Variants in USP37 observed in about 807,000 individuals in gnomAD.
USP37 encodes ubiquitin carboxyl-terminal hydrolase 37.
Under a neutral mutation model 124.0 loss-of-function variants are expected in USP37, and 27 were observed. The ratio of observed to expected loss-of-function variants is 0.22; its 90% CI spans 0.16 to 0.30. USP37 has a LOEUF of 0.30. USP37 is among the 10% of genes least tolerant of loss of function. The probability of loss-of-function intolerance (pLI) is 1.00; values close to 1 mark genes in which losing one functional copy is unlikely to be tolerated. For synonymous variants in USP37, 365 were observed against 388.0 expected (o/e 0.94, Z 0.70); for missense variants, 889 against 1,140.4 (o/e 0.78, Z 3.17).
At chr2:218,467,171 TC>T (rs1574843251) in intron 20 of USP37, among the ~76,000 whole-genome samples, 1 of 145,354 alleles carries the variant, frequency 6.9e-6, no homozygotes, top group African/African-American at 2.5e-5. Context: ...AGAAATCCCC[TC>T]CCCCCTCCTC....
At chr2:218,505,539 C>T (rs1179674147) in intron 11 of USP37, among the ~76,000 whole-genome samples, 1 of 152,148 alleles carries the variant, frequency 6.6e-6, no homozygotes, top group Non-Finnish European at 1.5e-5. Context: ...CTCTAGCTTG[C>T]ATATTTGACA....
rs1034853290 is a variant in USP37, at chr2:218,451,599, G to A, written c.*3331C>T. 6.6e-6 allele frequency: 1 copy of A among 150,690 alleles called. No homozygotes were observed. The highest frequency in any genetic ancestry group is 2.4e-5 in the African/African-American group (1 of 40,996). 9.3% of individuals were successfully genotyped at this position (150,690 alleles called of 1,614,324 possible). A position where few individuals can be genotyped will look rare whatever the true frequency, so the allele number is the denominator to read the frequency against. The stretch of plus-strand genomic sequence containing the variant: ...ATATCCGTAGCTGTATGTGTGTATA[G>A]TTACATAATGGTAACTACACACGAT... On this transcript the variant is annotated 3_prime_UTR_variant, in exon 26 of 26. Coordinates refer to ENST00000258399, the MANE Select transcript of USP37 (RefSeq NM_020935.3).
chr2:218,528,926 C>T (rs1379554162), intron 10 of USP37: 1 of 393,872 alleles, frequency 2.5e-6, no homozygotes, highest in Non-Finnish European at 4.4e-6. Flanking sequence ...TGTAATACAG[C>T]TTTTGATTTT....
intron 11 of USP37, chr2:218,500,786 CTT>C (rs534614045): frequency 2.1e-5 from 3 of 141,762 alleles, no homozygotes; most frequent in Non-Finnish European, 4.6e-5. Flanking sequence ...CATGTCATGC[CTT>C]TTTTTTTTTT....
intron 18 of USP37, 132 bp from the exon 19 acceptor site, chr2:218,477,113 G>T: frequency 9.2e-7 from 1 of 1,088,356 alleles, no homozygotes; most frequent in Non-Finnish European, 1.2e-6. Context: ...TATATCAAAA[G>T]AGGTATATTT....
intron 22 of USP37, 44 bp downstream of exon 22, chr2:218,463,262 G>C: frequency 6.6e-7 from 1 of 1,521,520 alleles, no homozygotes; most frequent in East Asian, 2.3e-5. Context: ...TGTGTGAATG[G>C]TAATTTTACC....
chr2:218,451,293 C>A lies in USP37; in HGVS notation c.*3637G>T, dbSNP rs1219511032. On this transcript the variant is annotated 3_prime_UTR_variant, in exon 26 of 26. Coordinates refer to ENST00000258399, the MANE Select transcript of USP37 (RefSeq NM_020935.3). ...ATCTGGTGTTAGGTTGTTGATTTTT[C>A]TAAAAATCTCCTATATATACAAAAT... The A allele has an allele frequency of 6.6e-6, 1 of 152,056 alleles. No homozygotes were observed. The highest frequency in any genetic ancestry group is 1.5e-5 in the Non-Finnish European group (1 of 67,990). 9.4% of individuals were successfully genotyped at this position (152,056 alleles called of 1,614,324 possible). A position where few individuals can be genotyped will look rare whatever the true frequency, so the allele number is the denominator to read the frequency against.
chr2:218,460,930 ACT>A (rs1689986048), intron 22 of USP37, among the ~76,000 whole-genome samples: 1 of 151,624 alleles, frequency 6.6e-6, no homozygotes, highest in Non-Finnish European at 1.5e-5. Flanking sequence ...ACAGAGCGAG[ACT>A]CTGTCTCAAA....
At chr2:218,567,184 A>G (rs1253490751) in intron 1 of USP37, among the ~76,000 whole-genome samples, 1 of 152,240 alleles carries the variant, frequency 6.6e-6, no homozygotes, top group East Asian at 1.9e-4. Context: ...AAACATCTTT[A>G]AGACAAGTGA....
chr2:218,463,567 G>A (rs1210559945), intron 21 of USP37, among the ~76,000 whole-genome samples: 2 of 126,792 alleles, frequency 1.6e-5, no homozygotes, highest in South Asian at 2.4e-4. Context: ...ACGGAGTCTC[G>A]CTCTGTCCCC....
At chr2:218,485,590 A>G in intron 16 of USP37, 74 bp downstream of exon 16, 1 of 1,463,846 alleles carries the variant, frequency 6.8e-7, no homozygotes, top group Non-Finnish European at 9.2e-7. Context: ...TAAAAAGAAA[A>G]ATTGAAAAGC....
intron 14 of USP37, among the ~76,000 whole-genome samples, chr2:218,491,948 C>T (rs990201427): frequency 2.0e-5 from 3 of 152,052 alleles, no homozygotes; most frequent in Middle Eastern, 3.2e-3. Flanking sequence ...GCCTGTAATC[C>T]CAGCATTTTG....
chr2:218,508,957 A>C (rs1302252350), intron 11 of USP37, among the ~76,000 whole-genome samples: 4 of 152,244 alleles, frequency 2.6e-5, no homozygotes, highest in Non-Finnish European at 5.9e-5. Context: ...GTTATGAGAG[A>C]GCAGTTTGGT....
intron 8 of USP37, among the ~76,000 whole-genome samples, chr2:218,542,796 C>T (rs1378923526): frequency 6.6e-6 from 1 of 152,130 alleles, no homozygotes; most frequent in Non-Finnish European, 1.5e-5. Flanking sequence ...TTCTGTAAGC[C>T]GTTTAATACT....
At chr2:218,568,031 G>A (rs1355633706) in intron 1 of USP37, 147 bp downstream of exon 1, 3 of 152,498 alleles carry the variant, frequency 2.0e-5, no homozygotes, top group African/African-American at 7.2e-5. Flanking sequence ...GTACCTGTGA[G>A]GCTGGGGGTG....
intron 11 of USP37, among the ~76,000 whole-genome samples, chr2:218,509,206 T>C (rs985466910): frequency 1.3e-5 from 2 of 152,204 alleles, no homozygotes; most frequent in Non-Finnish European, 2.9e-5. Context: ...GTGAAAAAGA[T>C]AACAGAGAAG....
intron 8 of USP37, among the ~76,000 whole-genome samples, chr2:218,535,666 T>C (rs562206215): frequency 7.2e-5 from 11 of 151,988 alleles, no homozygotes; most frequent in East Asian, 1.9e-4. Context: ...ACCATCCTGG[T>C]TAACACAGTG....
intron 4 of USP37, 29 bp from the exon 5 acceptor site, chr2:218,553,753 C>A (rs760252663): frequency 1.0e-5 from 16 of 1,577,624 alleles, no homozygotes; most frequent in South Asian, 7.0e-5. Flanking sequence ...AAATTATCAT[C>A]AAAAATGTAT....
intron 8 of USP37, among the ~76,000 whole-genome samples, chr2:218,541,786 C>T (rs946072508): frequency 2.0e-5 from 3 of 151,278 alleles, no homozygotes; most frequent in Admixed American, 6.6e-5. Flanking sequence ...TCAATATAAA[C>T]GGTACAAGCT....
Sources: gnomAD v4.1 joint callset for allele counts (sites outside exome capture counted in the v4.1 genomes callset) on GRCh38, gnomAD v4.1.1 for gene constraint, MANE v1.5 for transcripts, NCBI Gene and HGNC (gene_info 2026-07-23, HGNC 2026-07-21) for gene names.